The following KLHL5 variants were observed in gnomAD, a reference collection of about 807,000 sequenced individuals.
The protein encoded by KLHL5 is kelch like family member 5.
Under a neutral mutation model 77.7 loss-of-function variants are expected in KLHL5, and 48 were observed. The observed-to-expected ratio is 0.62, with a 90% CI of 0.49 to 0.79. The LOEUF is 0.79. Ranked by LOEUF, KLHL5 falls within the 30% of genes least tolerant of loss-of-function variation. The pLI is 0.00. For missense variants in KLHL5, 723 were observed against 859.7 expected (o/e 0.84, Z 1.99); for synonymous variants, 260 against 297.0 (o/e 0.88, Z 1.28).
chr4:39,117,413 GT>G (rs1388264692), intron 10 of KLHL5, among the ~76,000 whole-genome samples: 3 of 152,212 alleles, frequency 2.0e-5, no homozygotes, highest in African/African-American at 4.8e-5. Flanking sequence ...GAATGATGCA[GT>G]TGGGGTCGCA....
chr4:39,064,989 A>G (rs991696110), intron 1 of KLHL5, among the ~76,000 whole-genome samples: 5 of 152,340 alleles, frequency 3.3e-5, no homozygotes, highest in African/African-American at 1.2e-4. Flanking sequence ...AATTTCAAAA[A>G]TAAAATGTAC....
chr4:39,126,255 T>C (rs187257078), downstream of KLHL5, among the ~76,000 whole-genome samples: 48 of 152,348 alleles, frequency 3.2e-4, 1 homozygote, highest in East Asian at 5.4e-3. Context: ...TCATGTAATA[T>C]TTTTTATTTT....
chr4:39,054,991 T>C (rs983197306), intron 1 of KLHL5, among the ~76,000 whole-genome samples: 1 of 152,230 alleles, frequency 6.6e-6, no homozygotes, highest in African/African-American at 2.4e-5. Context: ...GATGAAAGTG[T>C]AAAGAAAAGA....
chr4:39,075,922 G>A (rs1718984085), intron 1 of KLHL5, 43 bp from the exon 2 acceptor site: 1 of 1,510,494 alleles, frequency 6.6e-7, no homozygotes, highest in Non-Finnish European at 9.0e-7. Flanking sequence ...TCTTTTTAAT[G>A]TGATAGTGAT....
chr4:39,123,548 T>A lies in KLHL5; in HGVS notation c.*2482T>A, dbSNP rs759033711. Among the ~76,000 whole-genome samples, 3 of 152,212 alleles carry A rather than the reference T, an allele frequency of 2.0e-5. No homozygotes were observed. Among genetic ancestry groups the A allele is most frequent in the Non-Finnish European group, 4.4e-5 (3 of 68,026 alleles). On this transcript the variant is annotated 3_prime_UTR_variant, in exon 11 of 11. Coordinates refer to ENST00000504108, the MANE Select transcript of KLHL5 (RefSeq NM_015990.5). Reference sequence around the variant, plus strand: ...TTTATCAAAGAAATGCAGGGATGGTTCTACATACAAATGTCAATCGATGTA... The same window carrying A: ...TTTATCAAAGAAATGCAGGGATGGTACTACATACAAATGTCAATCGATGTA...
chr4:39,107,941 G>A (rs1282265985), intron 8 of KLHL5, among the ~76,000 whole-genome samples: 1 of 151,544 alleles, frequency 6.6e-6, no homozygotes, highest in Non-Finnish European at 1.5e-5. Context: ...TACATTTTTA[G>A]TTATCATTTT....
At chr4:39,075,337 A>G (rs1718916089) in intron 1 of KLHL5, among the ~76,000 whole-genome samples, 1 of 11,720 alleles carries the variant, frequency 8.5e-5, no homozygotes, top group African/African-American at 1.9e-4. Flanking sequence ...GTCTCAAACA[A>G]AAAAAAAAAA....
At chr4:39,099,839 T>C (rs1166195837) in intron 6 of KLHL5, among the ~76,000 whole-genome samples, 2 of 152,192 alleles carry the variant, frequency 1.3e-5, no homozygotes, top group African/African-American at 4.8e-5. Flanking sequence ...AGATAACTGA[T>C]TAGGGTTACA....
At chr4:39,091,796 G>A (rs555608909) in intron 5 of KLHL5, among the ~76,000 whole-genome samples, 18 of 148,540 alleles carry the variant, frequency 1.2e-4, no homozygotes, top group African/African-American at 2.2e-4. Context: ...TCAGCCTCTC[G>A]AGTAGCTGAG....
In KLHL5 at chr4:39,122,148, AT is replaced by A. The variant is rs1466421418; in HGVS notation, c.*1084del. The stretch of plus-strand genomic sequence containing the variant: ...ATGTTATTACTCTCAGTGAATTGTT[AT>A]TGTTTGCAAAAATGCACTGGGCAGT... On this transcript the variant is annotated 3_prime_UTR_variant, in exon 11 of 11. Coordinates refer to ENST00000504108, the MANE Select transcript of KLHL5 (RefSeq NM_015990.5). 3 of 152,602 alleles carry A rather than the reference AT, an allele frequency of 2.0e-5. No homozygotes were observed. In the East Asian group the frequency reaches 5.8e-4, roughly 29 times the overall value. The allele number at this position is 152,602 out of a possible 1,614,324, so 9.5% of individuals were successfully genotyped here.
chr4:39,056,153 T>C (rs1405540655), intron 1 of KLHL5, among the ~76,000 whole-genome samples: 1 of 152,222 alleles, frequency 6.6e-6, no homozygotes, highest in Non-Finnish European at 1.5e-5. Context: ...GTGTCAATCT[T>C]GCCCTGTTGC....
chr4:39,107,378 G>A (rs1043479378), intron 7 of KLHL5, among the ~76,000 whole-genome samples, 191 bp from the exon 8 acceptor site: 7 of 151,850 alleles, frequency 4.6e-5, no homozygotes, highest in African/African-American at 1.5e-4. Flanking sequence ...CAGAACTACC[G>A]TGCTATTTCA....
At chr4:39,063,752 A>C (rs1335967509) in intron 1 of KLHL5, 1 of 179,320 alleles carries the variant, frequency 5.6e-6, no homozygotes, top group Non-Finnish European at 1.2e-5. Flanking sequence ...AGGGGACAGG[A>C]AGAAGGGGAA....
intron 1 of KLHL5, among the ~76,000 whole-genome samples, chr4:39,068,849 A>G (rs1718142966): frequency 6.6e-6 from 1 of 152,226 alleles, no homozygotes; most frequent in Non-Finnish European, 1.5e-5. Context: ...CCTCATAGTT[A>G]ACTACGTAAC....
upstream of KLHL5, among the ~76,000 whole-genome samples, chr4:39,061,557 T>C (rs777714025): frequency 6.6e-6 from 1 of 152,240 alleles, no homozygotes; most frequent in Non-Finnish European, 1.5e-5. Flanking sequence ...CAATAACTAC[T>C]CAGTATTTTT....
At chr4:39,080,080 G>C in intron 2 of KLHL5, among the ~76,000 whole-genome samples, 1 of 152,092 alleles carries the variant, frequency 6.6e-6, no homozygotes, top group Non-Finnish European at 1.5e-5. Context: ...TGCCACTCCT[G>C]GGGAGGTAAG....
At chr4:39,069,457 TATATATATATATATATAC>T (rs1332706299) in intron 1 of KLHL5, among the ~76,000 whole-genome samples, 49 of 39,556 alleles carry the variant, frequency 1.2e-3, no homozygotes, top group South Asian at 7.8e-3. Context: ...TATATATATA[TATATATATATATATATAC>T]ACACACACAC....
At chr4:39,053,624 C>A (rs1055773692) in intron 1 of KLHL5, among the ~76,000 whole-genome samples, 1 of 151,744 alleles carries the variant, frequency 6.6e-6, no homozygotes, top group Non-Finnish European at 1.5e-5. Context: ...TTAACACTGA[C>A]AAAAATCTAA....
intron 5 of KLHL5, among the ~76,000 whole-genome samples, chr4:39,092,528 G>A (rs930941112): frequency 1.3e-5 from 2 of 152,064 alleles, no homozygotes; most frequent in African/African-American, 4.8e-5. Context: ...TAACCTTAAT[G>A]AGCCAACTTT....
Sources: allele counts gnomAD v4.1 joint callset (sites outside exome capture counted in the v4.1 genomes callset), GRCh38; gene constraint gnomAD v4.1.1; transcripts MANE v1.5; gene names NCBI Gene and HGNC (gene_info 2026-07-23, HGNC 2026-07-21).